SMARCC1: variants seen among roughly 807,000 people sequenced by gnomAD.
SMARCC1 encodes SWI/SNF related BAF chromatin remodeling complex subunit C1.
SMARCC1 carries 43 observed loss-of-function variants against 147.4 expected under a neutral mutation model. The ratio of observed to expected loss-of-function variants is 0.29; its 90% confidence interval spans 0.23 to 0.38. The LOEUF is 0.38. SMARCC1 is among the 10% of genes least tolerant of loss of function. The pLI is 1.00. For synonymous variants in SMARCC1, 495 were observed against 484.4 expected, an observed-to-expected ratio of 1.02 and a Z score of -0.29; for missense variants, 1,119 against 1,381.1, an observed-to-expected ratio of 0.81 and a Z score of 3.01.
rs187133523 is a variant in SMARCC1 at position 47,694,135 on chromosome 3, T to C, written c.1166-835A>G. Among the ~76,000 whole-genome samples the C allele has an allele frequency of 4.5e-3, 679 of 152,332 alleles. 5 individuals carry two copies. Among genetic ancestry groups the C allele is most frequent in the Middle Eastern group, 0.024 (7 of 294 alleles). On this transcript the variant is annotated intron_variant, in intron 11 of 27. Transcript: ENST00000254480. Reference sequence around the variant, plus strand: ...CATTTTTACAAGTCCACTGTGTCCATAGGTGGACTGTAAGTTAACCAGCCC... The same window carrying C: ...CATTTTTACAAGTCCACTGTGTCCACAGGTGGACTGTAAGTTAACCAGCCC...
chr3:47,662,154 C>A (rs2033355264), intron 20 of SMARCC1, among the ~76,000 whole-genome samples, 180 bp downstream of exon 20: 1 of 152,098 alleles, frequency 6.6e-6, no homozygotes, highest in Admixed American at 6.5e-5. Flanking sequence ...GCCACCACAC[C>A]CAGCTAATTT....
At chr3:47,743,990 C>T (rs1156591401) in intron 3 of SMARCC1, among the ~76,000 whole-genome samples, 6 of 151,852 alleles carry the variant, frequency 4.0e-5, no homozygotes, top group Non-Finnish European at 5.9e-5. Context: ...ACTGGGAACC[C>T]AGAGTTAACA....
chr3:47,697,743 C>T (rs185826338), intron 11 of SMARCC1, among the ~76,000 whole-genome samples: 2 of 151,890 alleles, frequency 1.3e-5, no homozygotes, highest in African/African-American at 4.8e-5. Context: ...CACAGTGGCT[C>T]ACGCCTGTAA....
chr3:47,762,804 C>T (rs1191572106), intron 2 of SMARCC1, among the ~76,000 whole-genome samples: 1 of 152,092 alleles, frequency 6.6e-6, no homozygotes, highest in African/African-American at 2.4e-5. Context: ...CAGTAGCTCA[C>T]GCCTGTAATC....
intron 14 of SMARCC1, among the ~76,000 whole-genome samples, chr3:47,682,663 C>A (rs1576410188): frequency 6.6e-6 from 1 of 152,006 alleles, no homozygotes; most frequent in East Asian, 1.9e-4. Context: ...GAACAACTCA[C>A]TATTTTGGAA....
chr3:47,645,036 A>C (rs1268583243), intron 21 of SMARCC1, among the ~76,000 whole-genome samples: 1 of 152,136 alleles, frequency 6.6e-6, no homozygotes, highest in Non-Finnish European at 1.5e-5. Context: ...TCCATCAATG[A>C]AAATATCTCA....
chr3:47,597,488 G>A (rs1310648054), intron 26 of SMARCC1, among the ~76,000 whole-genome samples: 10 of 152,008 alleles, frequency 6.6e-5, no homozygotes, highest in African/African-American at 1.7e-4. Flanking sequence ...CACCACGCCC[G>A]GCTAATTTTT....
rs1325994711 is a variant in SMARCC1, at chr3:47,598,888, C to CACACAG, written c.3044-8052_3044-8051insCTGTGT. Among the ~76,000 whole-genome samples, 6 of 144,920 alleles carry CACACAG rather than the reference C, an allele frequency of 4.1e-5. No homozygotes were observed. The East Asian group carries it at 6.1e-4, about 15-fold the overall frequency. ...ACACACACACACACACACACACACA[C>CACACAG]AGAGACAAAGACAGAGAGAGAAGAA... is the stretch of plus-strand genomic sequence containing the variant. On this transcript the variant is annotated intron_variant, in intron 26 of 27. Coordinates refer to ENST00000254480, the MANE Select transcript of SMARCC1 (RefSeq NM_003074.4).
At chr3:47,621,602 T>C (rs2032732794) in intron 25 of SMARCC1, among the ~76,000 whole-genome samples, 1 of 152,108 alleles carries the variant, frequency 6.6e-6, no homozygotes, top group Non-Finnish European at 1.5e-5. Context: ...AGCTAAACAC[T>C]GTGTATACAC....
chr3:47,760,305 G>A (rs552602001), intron 2 of SMARCC1, among the ~76,000 whole-genome samples: 12 of 151,682 alleles, frequency 7.9e-5, no homozygotes, highest in Non-Finnish European at 1.3e-4. Flanking sequence ...GAGAAAGGCT[G>A]TCTCAAAAAA....
chr3:47,761,343 G>A (rs2034771325), intron 2 of SMARCC1, among the ~76,000 whole-genome samples: 1 of 151,890 alleles, frequency 6.6e-6, no homozygotes, highest in Non-Finnish European at 1.5e-5. Flanking sequence ...AATTAAATAA[G>A]ACTAAAAATA....
At chr3:47,721,849 A>G (rs1398476726) in intron 6 of SMARCC1, among the ~76,000 whole-genome samples, 1 of 152,128 alleles carries the variant, frequency 6.6e-6, no homozygotes, top group African/African-American at 2.4e-5. Flanking sequence ...AGTCTCTTAA[A>G]AAATTTTAAA....
chr3:47,698,481 T>A (rs1269176642), intron 11 of SMARCC1, among the ~76,000 whole-genome samples: 2 of 151,660 alleles, frequency 1.3e-5, no homozygotes, highest in East Asian at 3.8e-4. Context: ...TCCTAAGAAA[T>A]CTACAAAAAA....
chr3:47,745,047 C>T (rs1209695927), intron 3 of SMARCC1, among the ~76,000 whole-genome samples: 2 of 152,062 alleles, frequency 1.3e-5, no homozygotes, highest in Admixed American at 6.6e-5. Flanking sequence ...GCAGGTAGAT[C>T]GCCTGAGGTC....
At chr3:47,621,244 G>C (rs1473535610) in intron 25 of SMARCC1, among the ~76,000 whole-genome samples, 1 of 148,900 alleles carries the variant, frequency 6.7e-6, no homozygotes, top group East Asian at 2.0e-4. Flanking sequence ...AGGTTGCAGT[G>C]AGCTGAGACT....
At chr3:47,753,641 G>C (rs2034654356) in intron 2 of SMARCC1, among the ~76,000 whole-genome samples, 1 of 149,422 alleles carries the variant, frequency 6.7e-6, no homozygotes, top group South Asian at 2.1e-4. Context: ...GAATTCGGGA[G>C]GCGGAGGTTG....
intron 2 of SMARCC1, among the ~76,000 whole-genome samples, chr3:47,753,577 G>A (rs13081107): frequency 8.0e-4 from 122 of 151,684 alleles, no homozygotes; most frequent in Non-Finnish European, 1.3e-3. Flanking sequence ...AGCCGGGCGT[G>A]GTGGTGCATG....
intron 6 of SMARCC1, among the ~76,000 whole-genome samples, chr3:47,722,075 A>T (rs758158902): frequency 1.3e-5 from 2 of 152,038 alleles, no homozygotes; most frequent in Non-Finnish European, 2.9e-5. Flanking sequence ...TGGTAACTCA[A>T]CATGGCAGAG....
intron 4 of SMARCC1, among the ~76,000 whole-genome samples, chr3:47,737,813 G>A (rs7630178): frequency 0.011 from 1,568 of 148,760 alleles, 21 homozygotes; most frequent in African/African-American, 0.035. Context: ...CCGGAACCAC[G>A]TGCGGCTAAT....
Sources: gnomAD v4.1 joint callset for allele counts (sites outside exome capture counted in the v4.1 genomes callset) on GRCh38, gnomAD v4.1.1 for gene constraint, MANE v1.5 for transcripts, NCBI Gene and HGNC (gene_info 2026-07-23, HGNC 2026-07-21) for gene names.